ELF4: variants seen among roughly 807,000 people sequenced by gnomAD.
The protein encoded by ELF4 is E74 like ETS transcription factor 4.
In ELF4, 10 loss-of-function variants were observed where a neutral mutation model predicts 31.7. The observed-to-expected ratio is 0.32, with a 90% CI of 0.19 to 0.54. ELF4 has a LOEUF of 0.54. Among genes scored for constraint, ELF4 ranks in the 20% least tolerant of loss-of-function variants. The pLI is 0.95. For missense variants in ELF4, 418 were observed against 522.0 expected (o/e 0.80, Z 1.94); for synonymous variants, 208 against 226.7 (o/e 0.92, Z 0.74).
chrX:130,078,762 T>TACACACACACAC (rs530565075), intron 2 of ELF4, among the ~76,000 whole-genome samples: 109 of 84,881 alleles, frequency 1.3e-3, no homozygotes, highest in South Asian at 2.1e-3. Context: ...TCTCTCTCTC[T>TACACACACACAC]ACACACACAC....
In ELF4 at chrX:130,066,896, G is replaced by C; in HGVS notation, c.1817C>G (p.Thr606Ser). 1.6e-6 allele frequency: 2 copies of C among 1,212,176 alleles called. No individual in the cohort carries two copies. Among genetic ancestry groups the C allele is most frequent in the Non-Finnish European group, 1.1e-6 (1 of 895,600 alleles). Residue 606 changes from threonine (T) to serine (S), a missense_variant, in exon 9 of 9, where the codon ACT (threonine) becomes AGT (serine). Thr to Ser is a moderately conservative substitution (Grantham distance 58). This residue lies in a region of ELF4 where 260 missense variants were observed against 269.2 expected (regional missense o/e 0.97). Coordinates refer to ENST00000308167, the MANE Select transcript of ELF4 (RefSeq NM_001421.4). The part of the protein sequence containing the change: ...NQTLSPPSRP[T>S]VGLTPVAELE... ...TTCAGCCACTGGGGTCAGCCCAACA[G>C]TGGGGCGGCTGGGAGGAGACAAAGT...
At chrX:130,091,353 G>A (rs761845316) in intron 1 of ELF4, among the ~76,000 whole-genome samples, 2 of 107 alleles carry the variant, frequency 0.019, no homozygotes, top group African/African-American at 0.032. Context: ...GCTTGAACCC[G>A]GGAGGCAGAG....
rs916731095 is a variant in ELF4, at chrX:130,095,808, C to CATAA, written c.-209-14273_-209-14270dup. ...AGTAGCCACAGCATGGTCCCTGCCC[C>CATAA]ATAAATATACACTTGCTCTTGGCTT... On this transcript the variant is annotated intron_variant, in intron 1 of 8. Coordinates refer to ENST00000308167, the MANE Select transcript of ELF4 (RefSeq NM_001421.4). Among the ~76,000 whole-genome samples, 3 of 112,054 alleles carry CATAA rather than the reference C, an allele frequency of 2.7e-5. No homozygotes were observed. In the Admixed American group the frequency reaches 2.8e-4, roughly 11 times the overall value.
At chrX:130,067,974 G>C (rs764293256) in intron 8 of ELF4, among the ~76,000 whole-genome samples, 10 of 111,102 alleles carry the variant, frequency 9.0e-5, no homozygotes, top group Non-Finnish European at 1.7e-4. Flanking sequence ...CACTACACCC[G>C]GCTAATTTTG....
At chrX:130,096,129 A>G (rs1424083970) in intron 1 of ELF4, among the ~76,000 whole-genome samples, 1 of 111,801 alleles carries the variant, frequency 8.9e-6, no homozygotes, top group African/African-American at 3.3e-5. Context: ...GGGAGTGAAT[A>G]CTAATGGGTA....
At chrX:130,096,784 T>C (rs1350249730) in intron 1 of ELF4, among the ~76,000 whole-genome samples, 3 of 110,944 alleles carry the variant, frequency 2.7e-5, no homozygotes, top group Non-Finnish European at 5.7e-5. Context: ...TCACTGAGTA[T>C]GCATGGCAGG....
chrX:130,079,183 C>A (rs781749353), intron 2 of ELF4, among the ~76,000 whole-genome samples: 1 of 110,894 alleles, frequency 9.0e-6, no homozygotes, highest in African/African-American at 3.3e-5. Flanking sequence ...AGAGGCCAGG[C>A]GCGGTGGCTC....
Position 130,067,115 on chromosome X carries a change from G to T in ELF4, c.1598C>A (p.Ala533Asp). ...AFIRTSGTTA[A>D]PRVKEGPLRS... ...CAGTGGCCCCTCCTTGACCCTAGGG[G>T]CTGCTGTAGTGCCAGAAGTCCTGAT... The change falls in exon 9 of 9, where the codon GCC becomes GAC. Residue 533 changes from alanine (A) to aspartate (D), a missense_variant. Ala to Asp is a moderately radical substitution (Grantham distance 126). This residue lies in a region of ELF4 where 260 missense variants were observed against 269.2 expected (regional missense o/e 0.97). Coordinates refer to ENST00000308167, the MANE Select transcript of ELF4 (RefSeq NM_001421.4). 8.3e-7 allele frequency: 1 copy of T among 1,202,262 alleles called. No homozygotes were observed. The highest frequency in any genetic ancestry group is 1.1e-6 in the Non-Finnish European group (1 of 889,635).
rs779922311 is a variant in ELF4 at position 130,081,529 on chromosome X, A to G, written c.-199T>C. 1.4e-4 allele frequency: 66 copies of G among 472,204 alleles called. No homozygotes were observed. Among genetic ancestry groups the G allele is most frequent in the Admixed American group, 1.4e-3 (45 of 33,135 alleles). The allele number at this position is 472,204 out of a possible 1,213,427, so 38.9% of individuals were successfully genotyped here. A position where few individuals can be genotyped will look rare whatever the true frequency, so the allele number is the denominator to read the frequency against. ...GGCTGCATTCTGGGCTGGACCAACC[A>G]CAGGAGCGACCTAGAGAGAAGGGAG... On this transcript the variant is annotated 5_prime_UTR_variant, in exon 2 of 9. Transcript: ENST00000308167.
At chrX:130,077,584 G>A (rs1932846078) in intron 2 of ELF4, among the ~76,000 whole-genome samples, 1 of 112,503 alleles carries the variant, frequency 8.9e-6, no homozygotes, top group Admixed American at 9.4e-5. Flanking sequence ...GTGAGCCACC[G>A]CACCTGGCCT....
chrX:130,067,668 G>T (rs761197360), intron 8 of ELF4, 143 bp from the exon 9 acceptor site: 539 of 635,398 alleles, frequency 8.5e-4, no homozygotes, highest in Non-Finnish European at 1.2e-3. Context: ...TAGAGACAGG[G>T]TCTCACTCTG....
chrX:130,087,083 T>C (rs1326512263), intron 1 of ELF4, among the ~76,000 whole-genome samples: 1 of 112,628 alleles, frequency 8.9e-6, no homozygotes, highest in South Asian at 3.6e-4. Flanking sequence ...GAGAACCTAT[T>C]TCCCCAGCTG....
chrX:130,075,597 T>G lies in ELF4; in HGVS notation c.76-845A>C, dbSNP rs148524789. ...GGCCAGGCAAGTATTTTTAACTGGT[T>G]GTAGTTATGGTTTAACCCGTGGCCA... On this transcript the variant is annotated intron_variant, in intron 2 of 8. Transcript: ENST00000308167. Among the ~76,000 whole-genome samples the G allele has an allele frequency of 6.3e-5, 7 of 111,716 alleles. No individual in the cohort carries two copies. The East Asian group carries it at 2.0e-3, about 31-fold the overall frequency.
At chrX:130,099,545 G>T (rs1933209711) in intron 1 of ELF4, among the ~76,000 whole-genome samples, 1 of 111,283 alleles carries the variant, frequency 9.0e-6, no homozygotes, top group Non-Finnish European at 1.9e-5. Context: ...CTGCACTCTA[G>T]CCTGGGTGAC....
intron 1 of ELF4, among the ~76,000 whole-genome samples, chrX:130,105,006 A>C (rs1206322686): frequency 2.0e-4 from 14 of 68,503 alleles, no homozygotes; most frequent in Non-Finnish European, 3.4e-4. Flanking sequence ...TAAAAAATAC[A>C]AAAAAAAAAG....
At chrX:130,101,521 G>A (rs210006) in intron 1 of ELF4, among the ~76,000 whole-genome samples, 45,254 of 110,731 alleles carry the variant, frequency 0.41, 7,391 homozygotes, top group African/African-American at 0.62. Context: ...AGCCGGGCGC[G>A]GTGGCTCGTG....
rs553644916 is a variant in ELF4 at position 130,071,756 on chromosome X, A to G, written c.533-337T>C. Among the ~76,000 whole-genome samples the G allele has an allele frequency of 1.0e-3, 116 of 113,077 alleles. 1 individual carries two copies. In the Middle Eastern group the frequency reaches 0.018, roughly 18 times the overall value. On this transcript the variant is annotated intron_variant, in intron 5 of 8. Coordinates refer to ENST00000308167, the MANE Select transcript of ELF4 (RefSeq NM_001421.4). ...AGTGCGGTGCTGAGGTTCGGTTGCC[A>G]TGCTGACAAGGCAGTATCAAGCAGC...
upstream of ELF4, among the ~76,000 whole-genome samples, chrX:130,111,461 C>T (rs371311821): frequency 1.8e-5 from 2 of 112,951 alleles, no homozygotes; most frequent in Non-Finnish European, 3.8e-5. Context: ...GCGGGCCGTG[C>T]GGCGGGTGAG....
At chrX:130,070,436 G>A (rs1254574029) in intron 7 of ELF4, among the ~76,000 whole-genome samples, 11 of 110,397 alleles carry the variant, frequency 1.0e-4, no homozygotes, top group African/African-American at 1.6e-4. Context: ...TTAGCCGGGC[G>A]TGGTGGCGGG....
Sources: allele counts gnomAD v4.1 joint callset (sites outside exome capture counted in the v4.1 genomes callset), GRCh38; gene constraint gnomAD v4.1.1; regional missense constraint gnomAD v4.1.1; transcripts MANE v1.5; gene names NCBI Gene and HGNC (gene_info 2026-07-23, HGNC 2026-07-21).